The following FIRRM variants were observed in gnomAD, a reference collection of about 807,000 sequenced individuals.
FIRRM encodes FIGNL1-interacting regulator of recombination and mitosis.
At chr1:169,833,396 G>A in the FIRRM span, among the ~76,000 whole-genome samples, 22 of 152,262 alleles carry the variant, frequency 1.4e-4, no homozygotes, top group Admixed American at 7.8e-4. Context: ...TTAGTGAAGA[G>A]GATTAGACTT....
At chr1:169,795,304 C>A in the FIRRM span, 1 of 1,446,440 alleles carries the variant, frequency 6.9e-7, no homozygotes, top group Non-Finnish European at 9.3e-7. Flanking sequence ...CACCGCCAGG[C>A]TGGGTTATAT....
At chr1:169,848,921 A>G in the FIRRM span, among the ~76,000 whole-genome samples, 4 of 152,246 alleles carry the variant, frequency 2.6e-5, no homozygotes, top group African/African-American at 9.6e-5. Flanking sequence ...TGACTGATTT[A>G]TCCATTCGGG....
chr1:169,788,388 GTTTTCTC>G, the FIRRM span, among the ~76,000 whole-genome samples: 7 of 152,174 alleles, frequency 4.6e-5, no homozygotes, highest in African/African-American at 1.4e-4. Context: ...TAGTAAATAT[GTTTTCTC>G]TTCCTCCTAA....
chr1:169,814,513 C>A, the FIRRM span, among the ~76,000 whole-genome samples: 1 of 152,190 alleles, frequency 6.6e-6, no homozygotes, highest in African/African-American at 2.4e-5. Flanking sequence ...CAGTTTGTCT[C>A]TCCAGTAAGT....
the FIRRM span, among the ~76,000 whole-genome samples, chr1:169,790,504 C>T: frequency 1.3e-5 from 2 of 151,954 alleles, no homozygotes; most frequent in African/African-American, 4.8e-5. Flanking sequence ...ATCTTTAATG[C>T]CCCAAATTAT....
At chr1:169,850,669 G>A in the FIRRM span, 11 of 195,048 alleles carry the variant, frequency 5.6e-5, no homozygotes, top group Admixed American at 1.1e-4. Flanking sequence ...GGTGGTACGC[G>A]CCTGCAGTCC....
At chr1:169,842,068 C>G in the FIRRM span, among the ~76,000 whole-genome samples, 1 of 151,044 alleles carries the variant, frequency 6.6e-6, no homozygotes, top group Non-Finnish European at 1.5e-5. Context: ...CCCAGCTTCT[C>G]GGGAGGTTGA....
chr1:169,835,767 A>G, the FIRRM span, among the ~76,000 whole-genome samples: 1 of 152,182 alleles, frequency 6.6e-6, no homozygotes, highest in Non-Finnish European at 1.5e-5. Context: ...GAAGTAGTTC[A>G]CTTACTTACT....
At chr1:169,806,175 T>A in the FIRRM span, 1 of 769,406 alleles carries the variant, frequency 1.3e-6, no homozygotes, top group Non-Finnish European at 2.1e-6. Context: ...AGATTGCATT[T>A]AAAACATTTT....
the FIRRM span, among the ~76,000 whole-genome samples, chr1:169,845,742 C>A: frequency 6.6e-6 from 1 of 152,320 alleles, no homozygotes; most frequent in East Asian, 1.9e-4. Context: ...GGATCTACTT[C>A]TAGTTTGCTA....
At chr1:169,792,250 C>T in the FIRRM span, among the ~76,000 whole-genome samples, 1 of 152,204 alleles carries the variant, frequency 6.6e-6, no homozygotes, top group Non-Finnish European at 1.5e-5. Context: ...AAGAAATTCA[C>T]AGACTTGAGA....
At chr1:169,850,992 TTTTTTTTTTTTTTTA>T in the FIRRM span, 4 of 54,860 alleles carry the variant, frequency 7.3e-5, no homozygotes, top group African/African-American at 2.9e-4. Context: ...TTTTTTTTTT[TTTTTTTTTTTTTTTA>T]TTTGGGCAGC....
the FIRRM span, among the ~76,000 whole-genome samples, chr1:169,848,628 G>A: frequency 1.3e-5 from 2 of 152,160 alleles, no homozygotes; most frequent in Non-Finnish European, 2.9e-5. Context: ...TATTTCATGA[G>A]ATAAGCATAG....
At chr1:169,785,848 G>A in the FIRRM span, among the ~76,000 whole-genome samples, 1 of 152,014 alleles carries the variant, frequency 6.6e-6, no homozygotes, top group Non-Finnish European at 1.5e-5. Flanking sequence ...TCAAATACTG[G>A]GCTGATCCAG....
chr1:169,793,884 CT>C, the FIRRM span: 2 of 431,318 alleles, frequency 4.6e-6, no homozygotes, highest in Non-Finnish European at 8.2e-6. Flanking sequence ...CTTTGGTCCT[CT>C]TTCCAAGCAG....
At chr1:169,795,361 A>AAAGTGAGGGACTGGAGGGG in the FIRRM span, 679 of 1,415,400 alleles carry the variant, frequency 4.8e-4, 3 homozygotes, top group African/African-American at 8.2e-3. Flanking sequence ...AGTGGGATGA[A>AAAGTGAGGGACTGGAGGGG]AAGTGAGGGA....
chr1:169,807,498 T>C, the FIRRM span, among the ~76,000 whole-genome samples: 7 of 152,220 alleles, frequency 4.6e-5, no homozygotes, highest in Non-Finnish European at 7.3e-5. Flanking sequence ...TTCATGCAGG[T>C]AAGGCGGAGA....
the FIRRM span, chr1:169,829,458 ATTAC>A: frequency 5.0e-6 from 8 of 1,601,958 alleles, no homozygotes; most frequent in African/African-American, 5.4e-5. Flanking sequence ...TGGTAAGCAT[ATTAC>A]TTACTGTGCT....
At chr1:169,840,338 A>T in the FIRRM span, among the ~76,000 whole-genome samples, 1 of 151,814 alleles carries the variant, frequency 6.6e-6, no homozygotes, top group Non-Finnish European at 1.5e-5. Flanking sequence ...AATGATACTG[A>T]CTCTTCCAAT....
Sources: allele counts gnomAD v4.1 joint callset (sites outside exome capture counted in the v4.1 genomes callset), GRCh38; gene constraint gnomAD v4.1.1; transcripts MANE v1.5; gene names NCBI Gene and HGNC (gene_info 2026-07-23, HGNC 2026-07-21).